FGL1: variants seen among roughly 807,000 people sequenced by gnomAD.
The protein encoded by FGL1 is fibrinogen-like protein 1.
FGL1 carries 59 observed loss-of-function variants against 43.7 expected under a neutral mutation model. The ratio of observed to expected loss-of-function variants is 1.35; its 90% CI spans 1.10 to 1.68. FGL1 has a LOEUF of 1.68. Among genes scored for constraint, FGL1 ranks in the 40% most tolerant of loss-of-function variants. FGL1 has a pLI of 0.00. For missense variants in FGL1, 596 were observed against 373.0 expected (o/e 1.60, Z -4.92); for synonymous variants, 192 against 126.5 (o/e 1.52, Z -3.48).
intron 1 of FGL1, among the ~76,000 whole-genome samples, chr8:17,889,381 C>G (rs1312316534): frequency 6.6e-6 from 1 of 152,098 alleles, no homozygotes. Flanking sequence ...AAAACTCCAT[C>G]GCTACTAAAA....
At chr8:17,873,787 A>T (rs1224181756) in intron 5 of FGL1, among the ~76,000 whole-genome samples, 1 of 150,714 alleles carries the variant, frequency 6.6e-6, no homozygotes, top group East Asian at 1.9e-4. Flanking sequence ...GATATTTCTC[A>T]TAAATATATA....
chr8:17,882,263 A>G (rs2053549031), intron 2 of FGL1, 84 bp from the exon 3 acceptor site: 2 of 1,297,990 alleles, frequency 1.5e-6, no homozygotes, highest in Non-Finnish European at 1.0e-6. Flanking sequence ...TAAATCAGTG[A>G]TTCCATTTTG....
intron 3 of FGL1, among the ~76,000 whole-genome samples, chr8:17,879,657 C>G (rs1190812201): frequency 6.6e-6 from 1 of 152,060 alleles, no homozygotes; most frequent in Non-Finnish European, 1.5e-5. Context: ...TTGTAAGTTC[C>G]CTGAGGCCTC....
chr8:17,880,563 T>C (rs2053520087), intron 3 of FGL1, among the ~76,000 whole-genome samples: 1 of 152,196 alleles, frequency 6.6e-6, no homozygotes, highest in African/African-American at 2.4e-5. Flanking sequence ...TTCCTGAATA[T>C]GAGGATCTAC....
intron 3 of FGL1, among the ~76,000 whole-genome samples, chr8:17,880,661 C>T (rs922825733): frequency 2.0e-5 from 3 of 152,100 alleles, no homozygotes; most frequent in African/African-American, 4.8e-5. Flanking sequence ...GTTAATTGAC[C>T]TCAATAGACT....
chr8:17,890,774 C>T (rs527303348), intron 1 of FGL1, among the ~76,000 whole-genome samples: 2 of 152,236 alleles, frequency 1.3e-5, no homozygotes, highest in East Asian at 3.9e-4. Context: ...TGTCCTTCTT[C>T]ACATGATGGC....
chr8:17,890,408 T>C (rs900456569), intron 1 of FGL1, among the ~76,000 whole-genome samples: 13 of 152,156 alleles, frequency 8.5e-5, no homozygotes, highest in African/African-American at 2.7e-4. Context: ...TCTGGCTACA[T>C]TGGCCTCTTT....
chr8:17,895,311 C>A, intron 1 of FGL1, 136 bp downstream of exon 1: 1 of 1,105,620 alleles, frequency 9.0e-7, no homozygotes. Flanking sequence ...GTAGCAGAAG[C>A]AGACTCCTTG....
intron 7 of FGL1, among the ~76,000 whole-genome samples, chr8:17,867,342 C>G (rs2053284442): frequency 6.6e-6 from 1 of 151,946 alleles, no homozygotes. Context: ...TGCAGTAAAC[C>G]AAAAGAAGAC....
intron 3 of FGL1, among the ~76,000 whole-genome samples, chr8:17,875,309 T>C (rs995426756): frequency 6.6e-6 from 1 of 152,158 alleles, no homozygotes; most frequent in Non-Finnish European, 1.5e-5. Context: ...TTAGCCTTAT[T>C]AGATTTTTTA....
In FGL1 at chr8:17,882,166, C is replaced by A. The variant is rs767576667; in HGVS notation, c.77G>T (p.Cys26Phe). The A allele has an allele frequency of 3.1e-6, 5 of 1,613,562 alleles. No homozygotes were observed. Among genetic ancestry groups the A allele is most frequent in the Non-Finnish European group, 4.2e-6 (5 of 1,179,926 alleles). ...TCTGAGCCGCATCTGCTCCTGGGCA[C>A]AGTCCTCGAGCGCCTGCAAAACAGG... is the stretch of plus-strand genomic sequence containing the variant. ...MGREISALED[C>F]AQEQMRLRAQ... The change falls in exon 3 of 8, where the codon TGT becomes TTT. Residue 26 changes from cysteine (C) to phenylalanine (F), a missense_variant. By Grantham distance (205) the Cys-to-Phe change is radical. Coordinates refer to ENST00000427924, the MANE Select transcript of FGL1 (RefSeq NM_004467.4).
rs372236141 is a variant in FGL1 at position 17,869,836 on chromosome 8, G to T, written c.503-832C>A. ...ATTTTAAGAATGCAATGGGGCCGGG[G>T]CGGTGGCTCACGCCTGTAATCCCAG... On this transcript the variant is annotated intron_variant, in intron 5 of 7. Coordinates refer to ENST00000427924, the MANE Select transcript of FGL1 (RefSeq NM_004467.4). Among the ~76,000 whole-genome samples, 478 of 152,304 alleles carry T rather than the reference G, an allele frequency of 3.1e-3. 4 individuals are homozygous for T. The highest frequency in any genetic ancestry group is 0.012 in the South Asian group (57 of 4,826).
intron 3 of FGL1, among the ~76,000 whole-genome samples, chr8:17,880,473 T>A (rs1306381169): frequency 1.3e-5 from 2 of 152,220 alleles, no homozygotes; most frequent in Non-Finnish European, 2.9e-5. Context: ...TCTACAGTCT[T>A]TCAATTCTAG....
intron 5 of FGL1, among the ~76,000 whole-genome samples, chr8:17,873,742 T>C (rs1398229304): frequency 6.7e-6 from 1 of 149,870 alleles, no homozygotes; most frequent in Non-Finnish European, 1.5e-5. Flanking sequence ...ATATATACTA[T>C]GTATAGAATG....
At chr8:17,870,188 T>C (rs915241378) in intron 5 of FGL1, among the ~76,000 whole-genome samples, 4 of 152,192 alleles carry the variant, frequency 2.6e-5, no homozygotes, top group African/African-American at 9.7e-5. Flanking sequence ...AAGAATGATA[T>C]ATGATGACAA....
At chr8:17,885,755 A>G (rs2053618855) in intron 1 of FGL1, 184 bp from the exon 2 acceptor site, 1 of 539,104 alleles carries the variant, frequency 1.9e-6, no homozygotes, top group Non-Finnish European at 3.3e-6. Flanking sequence ...CTGAGTGTTA[A>G]CTAGAATTGA....
chr8:17,889,996 T>C (rs1264841834), intron 1 of FGL1, among the ~76,000 whole-genome samples: 1 of 152,204 alleles, frequency 6.6e-6, no homozygotes, highest in Non-Finnish European at 1.5e-5. Flanking sequence ...CAATGCTGCC[T>C]CCCATGTTAA....
intron 7 of FGL1, 34 bp from the exon 8 acceptor site, chr8:17,864,785 A>T: frequency 1.4e-6 from 2 of 1,418,590 alleles, no homozygotes; most frequent in East Asian, 5.0e-5. Context: ...GAAAACAACA[A>T]TCAGACTGGA....
chr8:17,874,528 T>G lies in FGL1; in HGVS notation c.245-7A>C, dbSNP rs754396133. On this transcript the variant is annotated splice_region_variant and splice_polypyrimidine_tract_variant and intron_variant, in intron 3 of 7. Coordinates refer to ENST00000427924, the MANE Select transcript of FGL1 (RefSeq NM_004467.4). ...TTGAAAATCTCTGAACAATCTGTTTTTAAAACAAGGTAATGTAACATTCAT... is the reference window on the plus strand; with the variant it reads ...TTGAAAATCTCTGAACAATCTGTTTGTAAAACAAGGTAATGTAACATTCAT... 1.9e-6 allele frequency: 3 copies of G among 1,601,536 alleles called. No individual in the cohort carries two copies. The East Asian group carries it at 6.7e-5, about 36-fold the overall frequency.
Sources: allele counts gnomAD v4.1 joint callset (sites outside exome capture counted in the v4.1 genomes callset), GRCh38; gene constraint gnomAD v4.1.1; transcripts MANE v1.5; gene names NCBI Gene and HGNC (gene_info 2026-07-23, HGNC 2026-07-21).